Variants in NOX4 observed in about 807,000 individuals in gnomAD.
NOX4 encodes the protein NADPH oxidase 4, also known as kidney oxidase-1.
In NOX4, 69 loss-of-function variants were observed where a neutral mutation model predicts 87.6. That is an observed-to-expected ratio of 0.79 (90% CI 0.65 to 0.96). NOX4 has a LOEUF of 0.96. NOX4 is among the 40% of genes least tolerant of loss of function. The pLI is 0.00. For synonymous variants in NOX4, 275 were observed against 238.2 expected (o/e 1.15, Z -1.42); for missense variants, 680 against 681.5 (o/e 1.00, Z 0.02).
At chr11:89,530,155 A>C in the NOX4 span, among the ~76,000 whole-genome samples, 3 of 151,606 alleles carry the variant, frequency 2.0e-5, no homozygotes, top group African/African-American at 7.3e-5. Context: ...AGGTTAAACA[A>C]TATCCAAATC....
chr11:89,368,519 G>A (rs1224900562), intron 12 of NOX4, among the ~76,000 whole-genome samples: 8 of 152,028 alleles, frequency 5.3e-5, no homozygotes, highest in African/African-American at 1.9e-4. Flanking sequence ...CATAACAGAA[G>A]AGCAAAAGAG....
chr11:89,556,057 T>G, the NOX4 span, among the ~76,000 whole-genome samples: 1 of 152,138 alleles, frequency 6.6e-6, no homozygotes, highest in Admixed American at 6.6e-5. Flanking sequence ...ACAGACAATT[T>G]GGCCAAGAAC....
At chr11:89,438,097 C>T (rs867308065) in intron 6 of NOX4, among the ~76,000 whole-genome samples, 8 of 150,930 alleles carry the variant, frequency 5.3e-5, no homozygotes, top group Admixed American at 4.0e-4. Context: ...GTCTTCTCTA[C>T]TAAGTCCAAC....
chr11:89,414,284 A>G (rs1409623495), intron 8 of NOX4, among the ~76,000 whole-genome samples: 1 of 152,040 alleles, frequency 6.6e-6, no homozygotes, highest in Non-Finnish European at 1.5e-5. Flanking sequence ...TTACTTTGGA[A>G]TTCCATTATC....
the NOX4 span, chr11:89,577,256 A>G: frequency 6.6e-6 from 1 of 152,176 alleles, no homozygotes; most frequent in Non-Finnish European, 1.5e-5. Flanking sequence ...AGTTTTGATA[A>G]TCTATTCTTA....
the NOX4 span, among the ~76,000 whole-genome samples, chr11:89,537,701 G>A: frequency 1.3e-5 from 2 of 151,778 alleles, no homozygotes; most frequent in African/African-American, 4.8e-5. Flanking sequence ...AAAAAAAATC[G>A]ATCACATATT....
At chr11:89,377,719 A>C (rs1939961133) in intron 11 of NOX4, among the ~76,000 whole-genome samples, 2 of 152,190 alleles carry the variant, frequency 1.3e-5, no homozygotes, top group Admixed American at 6.5e-5. Flanking sequence ...AATAAAAATC[A>C]AAAATGATTC....
At chr11:89,544,657 GTCTT>G in the NOX4 span, among the ~76,000 whole-genome samples, 1 of 152,016 alleles carries the variant, frequency 6.6e-6, no homozygotes, top group South Asian at 2.1e-4. Context: ...GAATCTTAGA[GTCTT>G]TCTTCATCTT....
the NOX4 span, among the ~76,000 whole-genome samples, chr11:89,524,963 TA>T: frequency 5.7e-3 from 873 of 152,280 alleles, 8 homozygotes; most frequent in African/African-American, 0.02. Context: ...TTTATGTGTA[TA>T]GCTTCTTTCA....
At chr11:89,386,714 T>C (rs1940731440) in intron 11 of NOX4, among the ~76,000 whole-genome samples, 1 of 152,052 alleles carries the variant, frequency 6.6e-6, no homozygotes, top group African/African-American at 2.4e-5. Flanking sequence ...GAGTGTTGTT[T>C]TTACCTAAAT....
the NOX4 span, among the ~76,000 whole-genome samples, chr11:89,510,388 C>T: frequency 6.6e-6 from 1 of 152,020 alleles, no homozygotes; most frequent in African/African-American, 2.4e-5. Context: ...ATGAAACTTA[C>T]AAAATACTCT....
At chr11:89,450,792 CA>C (rs1435153347) in intron 3 of NOX4, among the ~76,000 whole-genome samples, 1 of 148,282 alleles carries the variant, frequency 6.7e-6, no homozygotes, top group Non-Finnish European at 1.5e-5. Flanking sequence ...GCACTATTCA[CA>C]ATAGTAAAGA....
chr11:89,518,712 T>TA, the NOX4 span, among the ~76,000 whole-genome samples: 8 of 152,180 alleles, frequency 5.3e-5, no homozygotes, highest in South Asian at 1.7e-3. Context: ...AGAAAAGTTG[T>TA]ATGGTATAAT....
intron 8 of NOX4, among the ~76,000 whole-genome samples, chr11:89,416,258 A>C (rs1942764405): frequency 6.6e-6 from 1 of 152,148 alleles, no homozygotes; most frequent in Admixed American, 6.6e-5. Flanking sequence ...GGAAAGTAAA[A>C]ATTTTCTCCC....
chr11:89,478,740 G>A (rs1202333119), intron 2 of NOX4, among the ~76,000 whole-genome samples: 2 of 152,122 alleles, frequency 1.3e-5, no homozygotes, highest in Non-Finnish European at 2.9e-5. Flanking sequence ...AAGAAACCCT[G>A]TAGATCCATT....
chr11:89,561,019 T>TATATAC, the NOX4 span, among the ~76,000 whole-genome samples: 11 of 102,242 alleles, frequency 1.1e-4, no homozygotes, highest in African/African-American at 1.7e-4. Context: ...TATATATATA[T>TATATAC]ACATACACAC....
At chr11:89,490,140 T>A (rs1946793525) in intron 2 of NOX4, among the ~76,000 whole-genome samples, 2 of 152,216 alleles carry the variant, frequency 1.3e-5, no homozygotes, top group South Asian at 4.1e-4. Context: ...TGGTTGATCC[T>A]CCTAGTGAAT....
chr11:89,540,303 C>T, the NOX4 span, among the ~76,000 whole-genome samples: 1 of 152,146 alleles, frequency 6.6e-6, no homozygotes, highest in Non-Finnish European at 1.5e-5. Context: ...TGTCTCTTAG[C>T]TTTGCCAGCT....
intron 13 of NOX4, among the ~76,000 whole-genome samples, chr11:89,346,692 T>A (rs1011070470): frequency 1.3e-5 from 2 of 152,146 alleles, no homozygotes; most frequent in African/African-American, 4.8e-5. Context: ...GGCCCTATCC[T>A]TCAACCAATT....
Sources: gnomAD v4.1 joint callset for allele counts (sites outside exome capture counted in the v4.1 genomes callset) on GRCh38, gnomAD v4.1.1 for gene constraint, MANE v1.5 for transcripts, NCBI Gene and HGNC (gene_info 2026-07-23, HGNC 2026-07-21) for gene names.